The following PTPN4 variants were observed in gnomAD, a reference collection of about 807,000 sequenced individuals.
PTPN4 encodes tyrosine-protein phosphatase non-receptor type 4.
PTPN4 carries 49 observed loss-of-function variants against 135.5 expected under a neutral mutation model. The observed-to-expected ratio is 0.36, with a 90% CI of 0.29 to 0.46. The LOEUF is 0.46. Ranked by LOEUF, PTPN4 falls within the 20% of genes least tolerant of loss-of-function variation. The probability of loss-of-function intolerance (pLI) is 1.00; values close to 1 mark genes in which losing one functional copy is unlikely to be tolerated. For missense variants in PTPN4, 860 were observed against 1,101.0 expected, an observed-to-expected ratio of 0.78 and a Z score of 3.10; for synonymous variants, 333 against 369.9, an observed-to-expected ratio of 0.90 and a Z score of 1.14.
At chr2:119,805,673 G>A (rs577950222) in intron 1 of PTPN4, among the ~76,000 whole-genome samples, 2 of 152,258 alleles carry the variant, frequency 1.3e-5, no homozygotes, top group African/African-American at 4.8e-5. Flanking sequence ...ATGCTGTTTT[G>A]GTTACTGTAG....
intron 13 of PTPN4, 23 bp from the exon 14 acceptor site, chr2:119,932,399 CAT>C: frequency 1.3e-6 from 2 of 1,540,342 alleles, no homozygotes; most frequent in Non-Finnish European, 1.7e-6. Context: ...AAACTTTTAA[CAT>C]ATTATTTAAT....
chr2:119,829,942 C>A (rs1677196024), intron 2 of PTPN4, among the ~76,000 whole-genome samples: 1 of 152,028 alleles, frequency 6.6e-6, no homozygotes, highest in Non-Finnish European at 1.5e-5. Context: ...AGCAATGTAC[C>A]AGGGTGCCTA....
chr2:119,764,001 C>T (rs142256560), intron 1 of PTPN4, among the ~76,000 whole-genome samples: 5 of 152,290 alleles, frequency 3.3e-5, no homozygotes, highest in Non-Finnish European at 7.4e-5. Context: ...GAGATTATCT[C>T]CAAGGTTCCT....
intron 3 of PTPN4, among the ~76,000 whole-genome samples, chr2:119,869,545 TCTC>T (rs1381109349): frequency 6.6e-6 from 1 of 152,146 alleles, no homozygotes; most frequent in African/African-American, 2.4e-5. Flanking sequence ...CTTTTCAGAA[TCTC>T]CTCCTCAATT....
intron 1 of PTPN4, among the ~76,000 whole-genome samples, chr2:119,789,918 C>T (rs1232600649): frequency 5.3e-5 from 8 of 151,496 alleles, no homozygotes; most frequent in African/African-American, 1.2e-4. Context: ...AGTAGAGACT[C>T]GGTTTCATTA....
rs750358634 is a variant in PTPN4 at position 119,955,313 on chromosome 2, C to A, written c.1970C>A (p.Thr657Lys). 10 of 1,588,794 alleles carry A rather than the reference C, an allele frequency of 6.3e-6. No homozygotes were observed. In the South Asian group the frequency reaches 1.2e-4, roughly 19 times the overall value. The change falls in exon 20 of 27, where the codon ACA (threonine) becomes AAA (lysine). Residue 657 changes from threonine (T) to lysine (K), a missense_variant. Around this residue, in one of 2 missense-constraint regions of PTPN4, gnomAD observed 684 missense variants for 807.0 expected, o/e 0.85. Transcript: ENST00000263708. ...GGGCTTATCACTGGAACAGTCCTGACACAGTTTGATGTAAGTAATATCATT... is the reference window on the plus strand; with the variant it reads ...GGGCTTATCACTGGAACAGTCCTGAAACAGTTTGATGTAAGTAATATCATT... Reference protein sequence around the residue: ...AEGLITGTVLTQFDQLYRKKP... With the variant: ...AEGLITGTVLKQFDQLYRKKP...
chr2:119,854,372 T>C (rs1026518224), intron 2 of PTPN4, among the ~76,000 whole-genome samples: 38 of 152,274 alleles, frequency 2.5e-4, no homozygotes, highest in African/African-American at 7.7e-4. Context: ...GCTACCTTTA[T>C]TAAAAGAAAA....
In PTPN4 at chr2:119,956,200, C is replaced by CTA. The variant is rs1428880849; in HGVS notation, c.1981-640_1981-639dup. Among the ~76,000 whole-genome samples the CTA allele has an allele frequency of 1.0e-4, 15 of 148,156 alleles. No individual in the cohort carries two copies. In the South Asian group the frequency reaches 3.0e-3, roughly 29 times the overall value. On this transcript the variant is annotated intron_variant, in intron 20 of 26. Transcript: ENST00000263708. ...TGGATTTTGAAATGTTTTATTCAGACTATATCAACCTAATTTGTTTAAATT... is the reference window on the plus strand; with the variant it reads ...TGGATTTTGAAATGTTTTATTCAGACTATATATCAACCTAATTTGTTTAAATT...
At chr2:119,936,050 G>A (rs1356212473) in intron 15 of PTPN4, among the ~76,000 whole-genome samples, 2 of 151,534 alleles carry the variant, frequency 1.3e-5, no homozygotes, top group Non-Finnish European at 2.9e-5. Context: ...TCACCCAGGC[G>A]GGAGTGCAGT....
intron 1 of PTPN4, among the ~76,000 whole-genome samples, chr2:119,781,461 A>G (rs1009996822): frequency 6.6e-6 from 1 of 152,130 alleles, no homozygotes; most frequent in Non-Finnish European, 1.5e-5. Context: ...CATTTGTTCA[A>G]TCCTATAATA....
chr2:119,876,131 A>G (rs1322756931), intron 3 of PTPN4, among the ~76,000 whole-genome samples: 1 of 152,184 alleles, frequency 6.6e-6, no homozygotes. Flanking sequence ...GAATTTAGTA[A>G]GCTGAGGTGG....
At chr2:119,797,208 A>G (rs1360093110) in intron 1 of PTPN4, among the ~76,000 whole-genome samples, 1 of 152,160 alleles carries the variant, frequency 6.6e-6, no homozygotes, top group Admixed American at 6.5e-5. Flanking sequence ...GATGATGTCG[A>G]AAGAGTGATG....
intron 11 of PTPN4, among the ~76,000 whole-genome samples, chr2:119,918,834 G>A (rs1226288693): frequency 6.6e-6 from 1 of 152,184 alleles, no homozygotes; most frequent in Non-Finnish European, 1.5e-5. Flanking sequence ...AATATAAAAT[G>A]TCTGTGAACA....
intron 25 of PTPN4, among the ~76,000 whole-genome samples, chr2:119,966,379 C>CTCCT (rs1679446002): frequency 6.6e-6 from 1 of 152,130 alleles, no homozygotes; most frequent in East Asian, 1.9e-4. Flanking sequence ...CTGCCTCAGC[C>CTCCT]CCCGGAGTAG....
At chr2:119,826,305 C>G (rs530524313) in intron 2 of PTPN4, among the ~76,000 whole-genome samples, 2 of 152,338 alleles carry the variant, frequency 1.3e-5, no homozygotes, top group East Asian at 3.9e-4. Context: ...TTTCTCCTCA[C>G]TCATGGAGTA....
chr2:119,827,041 G>GT (rs1356310665), intron 2 of PTPN4, among the ~76,000 whole-genome samples: 1 of 152,006 alleles, frequency 6.6e-6, no homozygotes, highest in Non-Finnish European at 1.5e-5. Flanking sequence ...AAATAAAATA[G>GT]TTTTTTAGCT....
intron 1 of PTPN4, among the ~76,000 whole-genome samples, chr2:119,767,830 T>A (rs1690658036): frequency 6.6e-6 from 1 of 152,248 alleles, no homozygotes; most frequent in African/African-American, 2.4e-5. Context: ...CTACTAGCGA[T>A]GTTTAACTTT....
At chr2:119,909,327 A>G (rs1226763303) in intron 10 of PTPN4, among the ~76,000 whole-genome samples, 3 of 152,204 alleles carry the variant, frequency 2.0e-5, no homozygotes, top group East Asian at 1.9e-4. Flanking sequence ...TGTAAATGCT[A>G]GGTCCTAAAT....
At chr2:119,821,499 C>T (rs1327981673) in intron 2 of PTPN4, among the ~76,000 whole-genome samples, 2 of 151,560 alleles carry the variant, frequency 1.3e-5, no homozygotes, top group Non-Finnish European at 2.9e-5. Context: ...AATGTGCAGA[C>T]ATTTCCTTTT....
Sources: gnomAD v4.1 joint callset for allele counts (sites outside exome capture counted in the v4.1 genomes callset) on GRCh38, gnomAD v4.1.1 for gene constraint, gnomAD v4.1.1 regional missense constraint, MANE v1.5 for transcripts, NCBI Gene and HGNC (gene_info 2026-07-23, HGNC 2026-07-21) for gene names.